ZNFX1: variants seen among roughly 807,000 people sequenced by gnomAD.
ZNFX1 encodes zinc finger NFX1-type containing 1, also known as NFX1-type zinc finger-containing protein 1.
In ZNFX1, 78 loss-of-function variants were observed where a neutral mutation model predicts 179.8. The ratio of observed to expected loss-of-function variants is 0.43; its 90% CI spans 0.36 to 0.52. The LOEUF (loss-of-function observed/expected upper bound fraction) is 0.52. Ranked by LOEUF, ZNFX1 falls within the 20% of genes least tolerant of loss-of-function variation. ZNFX1 has a pLI of 0.00. For synonymous variants in ZNFX1, 848 were observed against 868.5 expected (o/e 0.98, Z 0.42); for missense variants, 1,927 against 2,386.6 (o/e 0.81, Z 4.01).
Position 49,254,584 on chromosome 20 carries a change from C to A in ZNFX1, c.2870G>T (p.Arg957Leu). 6.2e-7 allele frequency: 1 copy of A among 1,614,102 alleles called. No individual in the cohort carries two copies. The part of the protein sequence containing the change: ...RKILSYERQY[R>L]TSAERMAELR... ...CTCGGCCATTCTTTCTGCTGATGTG[C>A]GGTACTGGCGTTCATAGCTGAGGAT... Residue 957 changes from arginine (R) to leucine (L), a missense_variant, in exon 10 of 14, where the codon CGC (arginine) becomes CTC (leucine). Arg to Leu is a moderately radical substitution (Grantham distance 102). Coordinates refer to ENST00000396105, the MANE Select transcript of ZNFX1 (RefSeq NM_021035.3).
intron 2 of ZNFX1, among the ~76,000 whole-genome samples, chr20:49,274,300 A>G (rs747496834): frequency 1.3e-5 from 2 of 152,234 alleles, no homozygotes; most frequent in African/African-American, 4.8e-5. Flanking sequence ...TATGTTGATA[A>G]TATCTTAAAA....
rs1359802082 is a variant in ZNFX1 at position 49,270,593 on chromosome 20, C to T, written c.1219G>A (p.Asp407Asn). Residue 407 changes from aspartate (D) to asparagine (N), a missense_variant, in exon 3 of 14, where the codon GAC (aspartate) becomes AAC (asparagine). Physicochemically the swap from Asp to Asn is conservative, Grantham distance 23. Coordinates refer to ENST00000396105, the MANE Select transcript of ZNFX1 (RefSeq NM_021035.3). This position sits in a 1 kb window ranked among gnomAD's most constrained non-coding sequence, Gnocchi z 4.6. ...DQGLRKRKFD[D>N]IRIYFDTRII... ...CTGGTGTCAAAGTAGATTCGGATGT[C>T]ATCAAACTTTCTCTTCCTCAGGCCC... 1 of 1,614,068 alleles carries T rather than the reference C, an allele frequency of 6.2e-7. No individual in the cohort carries two copies. The highest frequency in any genetic ancestry group is 8.5e-7 in the Non-Finnish European group (1 of 1,180,042).
chr20:49,263,840 A>C lies in ZNFX1; in HGVS notation c.2152-357T>G, dbSNP rs143089341. ...TGGCAGGTTGAATATCCCTTATCCA[A>C]AATGCTTGGGACTAGAAGTGTTTCA... On this transcript the variant is annotated intron_variant, in intron 5 of 13. Transcript: ENST00000396105. 1.7e-3 allele frequency among the ~76,000 whole-genome samples: 258 copies of C among 152,116 alleles called. 3 individuals carry two copies. The East Asian group carries it at 0.044, about 26-fold the overall frequency.
Position 49,266,236 on chromosome 20 carries a change from T to C in ZNFX1, c.1901A>G (p.Gln634Arg). The stretch of plus-strand genomic sequence containing the variant: ...AACAGACTCGTTGGTTAGGAGGGCC[T>C]GAACAATTTTTAGACCCACATAGGT... ...GKTYVGLKIV[Q>R]ALLTNESVWQ... Residue 634 changes from glutamine (Q) to arginine (R), a missense_variant, in exon 4 of 14, where the codon CAG (glutamine) becomes CGG (arginine). Transcript: ENST00000396105. 1.9e-6 allele frequency: 3 copies of C among 1,610,948 alleles called. No individual in the cohort carries two copies. Among genetic ancestry groups the C allele is most frequent in the Non-Finnish European group, 2.5e-6 (3 of 1,179,114 alleles).
chr20:49,249,302 G>A lies in ZNFX1; in HGVS notation c.3722C>T (p.Pro1241Leu). 6.2e-7 allele frequency: 1 copy of A among 1,614,222 alleles called. No individual in the cohort carries two copies. The highest frequency in any genetic ancestry group is 8.5e-7 in the Non-Finnish European group (1 of 1,180,040). The change falls in exon 14 of 14, where the codon CCC (proline) becomes CTC (leucine). Residue 1241 changes from proline to leucine, a missense_variant. Physicochemically the swap from Pro to Leu is moderately conservative, Grantham distance 98. Transcript: ENST00000396105. ...IGNMQMLAKV[P>L]LWSKIIHTLR... The stretch of plus-strand genomic sequence containing the variant: ...TGTATGAATGATCTTGCTCCACAGG[G>A]GCACCTTGGCCAGCATCTGCATGTT...
chr20:49,247,453 A>C lies in ZNFX1; in HGVS notation c.5571T>G (p.Ile1857Met). ...TCTCCATGGCTCCCCCACAATCGCC[A>C]ATCACATAGATATGGCCATTGCGGC... ...FKCRNGHIYVIGDCGGAMERG... is the reference protein window; with the variant it reads ...FKCRNGHIYVMGDCGGAMERG... Residue 1857 changes from isoleucine to methionine, a missense_variant, in exon 14 of 14, where the codon ATT (isoleucine) becomes ATG (methionine). Physicochemically the swap from Ile to Met is conservative, Grantham distance 10 (BLOSUM62 1). Transcript: ENST00000396105. 6.2e-7 allele frequency: 1 copy of C among 1,614,192 alleles called. No individual in the cohort carries two copies. The highest frequency in any genetic ancestry group is 8.5e-7 in the Non-Finnish European group (1 of 1,180,024).
At position 49,257,606 on chromosome 20, in the gene ZNFX1, G is replaced by A. The variant is rs764181784; in HGVS notation, c.2475C>T (p.Ile825=). ...CTTGAATCAGGTCAGCTTCCTCTGC[G>A]ATCTCTATCAGCGAACTCTCCTCCT... ...EGEEESSLIE[I]AEEADLIQAD... is the part of the protein sequence containing the mutation. Residue 825 remains isoleucine, a synonymous_variant, in exon 8 of 14, where the codon ATC becomes ATT. Transcript: ENST00000396105. The A allele has an allele frequency of 5.0e-6, 8 of 1,613,518 alleles. No homozygotes were observed. In the East Asian group the frequency reaches 1.3e-4, roughly 27 times the overall value.
At chr20:49,265,945 G>A (rs1488696039) in intron 4 of ZNFX1, among the ~76,000 whole-genome samples, 190 bp downstream of exon 4, 1 of 152,216 alleles carries the variant, frequency 6.6e-6, no homozygotes, top group African/African-American at 2.4e-5. Context: ...AGTGTTGCTG[G>A]AGTTAGGGAG....
At chr20:49,253,313 C>A (rs879654635) in intron 11 of ZNFX1, among the ~76,000 whole-genome samples, 2 of 152,008 alleles carry the variant, frequency 1.3e-5, no homozygotes, top group Admixed American at 6.6e-5. Context: ...TATCTATCTA[C>A]CTTTTTTTTA....
chr20:49,272,179 G>C (rs1433895701), intron 2 of ZNFX1, among the ~76,000 whole-genome samples: 1 of 128,716 alleles, frequency 7.8e-6, no homozygotes. Context: ...CTCAGTTTCT[G>C]CTTTTTTTTT....
At position 49,257,482 on chromosome 20, in the gene ZNFX1, T is replaced by A; in HGVS notation, c.2599A>T (p.Met867Leu). The change falls in exon 8 of 14, where the codon ATG (methionine) becomes TTG (leucine). Residue 867 changes from methionine (M) to leucine (L), a missense_variant. By Grantham distance (15) the Met-to-Leu change is conservative. Coordinates refer to ENST00000396105, the MANE Select transcript of ZNFX1 (RefSeq NM_021035.3). ...CCAGTGCCACAATGGTCTAGCCTCA[T>A]GGCCAGAAGCATTTTAGCCAACTCC... ...DQELAKMLLAMRLDHCGTGTA... is the reference protein window; with the variant it reads ...DQELAKMLLALRLDHCGTGTA... The A allele has an allele frequency of 6.2e-7, 1 of 1,614,110 alleles. No homozygotes were observed. The highest frequency in any genetic ancestry group is 1.3e-5 in the African/African-American group (1 of 75,026).
At position 49,260,579 on chromosome 20, in the gene ZNFX1, T is replaced by C; in HGVS notation, c.2302-2A>G. On this transcript the variant is annotated splice_acceptor_variant, in intron 6 of 13. Coordinates refer to ENST00000396105, the MANE Select transcript of ZNFX1 (RefSeq NM_021035.3). LOFTEE classifies it high-confidence loss of function. The stretch of plus-strand genomic sequence containing the variant: ...CTGGAAGCAAATCCATTCACTATCC[T>C]AAGGAAAGAAGAATGATCATTTGTG... The C allele has an allele frequency of 1.9e-6, 3 of 1,592,880 alleles. No homozygotes were observed. The highest frequency in any genetic ancestry group is 2.6e-6 in the Non-Finnish European group (3 of 1,166,298).
rs774313769 is a variant in ZNFX1, at chr20:49,260,551, G to C, written c.2328C>G (p.His776Gln). 9 of 1,611,926 alleles carry C rather than the reference G, an allele frequency of 5.6e-6. No homozygotes were observed. The highest frequency in any genetic ancestry group is 5.1e-6 in the Non-Finnish European group (6 of 1,179,126). Residue 776 changes from histidine to glutamine, a missense_variant, in exon 7 of 14, where the codon CAC becomes CAG. Transcript: ENST00000396105. ...ACTCCAGCATCATGGAATGCTTCCA[G>C]TGCTGGAAGCAAATCCATTCACTAT... ...VQDSEWICFQ[H>Q]WKHSMMLEWL...
At chr20:49,256,073 A>C in intron 8 of ZNFX1, 126 bp from the exon 9 acceptor site, 1 of 1,222,752 alleles carries the variant, frequency 8.2e-7, no homozygotes, top group Non-Finnish European at 1.1e-6. Context: ...AGTGTCTTAC[A>C]TTCTCCCAAC....
chr20:49,262,953 C>T (rs1981150815), intron 6 of ZNFX1, among the ~76,000 whole-genome samples: 1 of 152,158 alleles, frequency 6.6e-6, no homozygotes, highest in Non-Finnish European at 1.5e-5. Flanking sequence ...CAAATATCAC[C>T]TTGCTCATCT....
Sources: allele counts gnomAD v4.1 joint callset (sites outside exome capture counted in the v4.1 genomes callset), GRCh38; gene constraint gnomAD v4.1.1; non-coding constraint Gnocchi (gnomAD v3.1); transcripts MANE v1.5; gene names NCBI Gene and HGNC (gene_info 2026-07-23, HGNC 2026-07-21).